The following QTGAL variants were observed in gnomAD, a reference collection of about 807,000 sequenced individuals.
QTGAL encodes the protein queuosine-tRNA galactosyltransferase.
At chr17:83,035,070 G>A in the QTGAL span, 1 of 1,612,774 alleles carries the variant, frequency 6.2e-7, no homozygotes, top group Admixed American at 1.7e-5. Context: ...CCTGAGCTCT[G>A]GGCAACTGCT....
chr17:83,006,993 G>A, the QTGAL span: 1 of 396,260 alleles, frequency 2.5e-6, no homozygotes, highest in Non-Finnish European at 3.4e-6. The surrounding 1 kb of genome is among the most constrained non-coding windows in gnomAD (Gnocchi z 5.8). Context: ...AGCACTGGGT[G>A]TCTCGGTTTT....
chr17:82,966,550 C>T, the QTGAL span, among the ~76,000 whole-genome samples: 5 of 152,262 alleles, frequency 3.3e-5, no homozygotes, highest in East Asian at 1.9e-4. Context: ...GAAGCAGAGC[C>T]GCCTGGCTGG....
chr17:83,006,124 C>A, the QTGAL span: 1 of 988,456 alleles, frequency 1.0e-6, no homozygotes, highest in Non-Finnish European at 1.2e-6. The surrounding 1 kb of genome is among the most constrained non-coding windows in gnomAD (Gnocchi z 5.8). Context: ...CAAGTCCCAG[C>A]GGACGCAGCT....
chr17:83,015,699 G>A, the QTGAL span, among the ~76,000 whole-genome samples: 239 of 152,324 alleles, frequency 1.6e-3, no homozygotes, highest in African/African-American at 5.3e-3. The surrounding 1 kb of genome is among the most constrained non-coding windows in gnomAD (Gnocchi z 4.4). Context: ...CGAGCGTCAC[G>A]GCCTGAGCTG....
At chr17:83,038,186 G>GA in the QTGAL span, among the ~76,000 whole-genome samples, 1 of 152,096 alleles carries the variant, frequency 6.6e-6, no homozygotes, top group Non-Finnish European at 1.5e-5. Flanking sequence ...CCCTATTCAA[G>GA]AAAAAATATC....
At chr17:83,007,232 C>A in the QTGAL span, 27 of 985,422 alleles carry the variant, frequency 2.7e-5, no homozygotes, top group Middle Eastern at 2.1e-3. Context: ...TCCTAAAGCA[C>A]ATGCTAAAAA....
the QTGAL span, among the ~76,000 whole-genome samples, chr17:83,023,118 G>A: frequency 4.5e-3 from 324 of 72,394 alleles, 15 homozygotes; most frequent in Middle Eastern, 0.011. Flanking sequence ...CGTTAGCTTA[G>A]CACTGTCCCC....
chr17:83,016,846 G>A, the QTGAL span, among the ~76,000 whole-genome samples: 4 of 152,248 alleles, frequency 2.6e-5, no homozygotes, highest in South Asian at 8.3e-4. Flanking sequence ...TCAAAAAGAA[G>A]AGCTGAGGAG....
At chr17:83,020,359 C>A in the QTGAL span, among the ~76,000 whole-genome samples, 1 of 152,204 alleles carries the variant, frequency 6.6e-6, no homozygotes, top group Non-Finnish European at 1.5e-5. Context: ...CCAGGCCAGG[C>A]AAGTCCCAGA....
the QTGAL span, chr17:83,051,763 C>T: frequency 1.3e-6 from 2 of 1,496,574 alleles, no homozygotes; most frequent in Non-Finnish European, 1.8e-6. Context: ...GCCTGGCTCT[C>T]CTCGGACGCC....
the QTGAL span, chr17:83,005,746 G>T: frequency 1.2e-6 from 1 of 817,388 alleles, no homozygotes; most frequent in Non-Finnish European, 2.0e-6. This position sits in a 1 kb window ranked among gnomAD's most constrained non-coding sequence, Gnocchi z 5.6. Flanking sequence ...ATCCAGGCCA[G>T]CACCCCTGCC....
At chr17:83,026,223 T>C in the QTGAL span, among the ~76,000 whole-genome samples, 3,746 of 152,096 alleles carry the variant, frequency 0.025, 106 homozygotes, top group African/African-American at 0.071. Context: ...AGCGAGAGCG[T>C]GGGTGTTCGC....
chr17:82,947,932 G>C, the QTGAL span: 4 of 152,328 alleles, frequency 2.6e-5, no homozygotes, highest in Admixed American at 2.6e-4. Flanking sequence ...GGCCAGCCCA[G>C]TGCGTGTTGA....
the QTGAL span, chr17:83,006,454 T>G: frequency 1.1e-5 from 11 of 984,738 alleles, no homozygotes; most frequent in Non-Finnish European, 1.3e-5. This position sits in a 1 kb window ranked among gnomAD's most constrained non-coding sequence, Gnocchi z 5.8. Context: ...AGACCCTCTG[T>G]GCCCTTCACC....
the QTGAL span, chr17:82,942,575 C>T: frequency 5.7e-5 from 85 of 1,480,406 alleles, 1 homozygote; most frequent in East Asian, 1.6e-4. Flanking sequence ...TGAAGGGTAG[C>T]GCTGGCCCTT....
At chr17:82,994,447 G>A in the QTGAL span, among the ~76,000 whole-genome samples, 1 of 151,358 alleles carries the variant, frequency 6.6e-6, no homozygotes, top group Non-Finnish European at 1.5e-5. Flanking sequence ...AGAAAATCTA[G>A]GAAAAAAAAT....
the QTGAL span, among the ~76,000 whole-genome samples, chr17:82,954,133 G>T: frequency 6.6e-6 from 1 of 152,178 alleles, no homozygotes; most frequent in Admixed American, 6.5e-5. Context: ...AGTATTGGAA[G>T]TTCTGGCCAG....
the QTGAL span, among the ~76,000 whole-genome samples, chr17:82,988,907 A>G: frequency 6.6e-6 from 1 of 152,218 alleles, no homozygotes; most frequent in African/African-American, 2.4e-5. Flanking sequence ...GTTGGTGGGA[A>G]TGTAAATTAG....
the QTGAL span, chr17:83,005,213 G>T: frequency 5.0e-6 from 8 of 1,602,118 alleles, no homozygotes; most frequent in African/African-American, 1.3e-5. The surrounding 1 kb of genome is among the most constrained non-coding windows in gnomAD (Gnocchi z 5.6). Flanking sequence ...CCAATGATCT[G>T]TGAAAAACAA....
Sources: allele counts gnomAD v4.1 joint callset (sites outside exome capture counted in the v4.1 genomes callset), GRCh38; gene constraint gnomAD v4.1.1; non-coding constraint Gnocchi (gnomAD v3.1); transcripts MANE v1.5; gene names NCBI Gene and HGNC (gene_info 2026-07-23, HGNC 2026-07-21).